UNC13C: variants seen among roughly 807,000 people sequenced by gnomAD.
UNC13C encodes the protein unc-13 homolog C.
Under a neutral mutation model 245.4 loss-of-function variants are expected in UNC13C, and 174 were observed. The observed-to-expected ratio is 0.71, with a 90% confidence interval of 0.63 to 0.80. The LOEUF (loss-of-function observed/expected upper bound fraction) is 0.80. Ranked by LOEUF, UNC13C falls within the 30% of genes least tolerant of loss-of-function variation. UNC13C has a pLI of 0.00. For synonymous variants in UNC13C, 992 were observed against 895.1 expected (o/e 1.11, Z -1.93); for missense variants, 2,829 against 2,602.9 (o/e 1.09, Z -1.89).
At position 54,401,494 on chromosome 15, in the gene UNC13C, A is replaced by G. The variant is rs58949736; in HGVS notation, c.4847+8313A>G. 4.7e-3 allele frequency among the ~76,000 whole-genome samples: 712 copies of G among 152,304 alleles called. 35 individuals carry two copies. The East Asian group carries it at 0.1, about 22-fold the overall frequency. ...ACTCTCTGGAACTGTACCAAGAAATACTAAGAGTGAATCGGCTGACAGGGA... is the reference window on the plus strand; with the variant it reads ...ACTCTCTGGAACTGTACCAAGAAATGCTAAGAGTGAATCGGCTGACAGGGA... On this transcript the variant is annotated intron_variant, in intron 18 of 32. Coordinates refer to ENST00000260323, the MANE Select transcript of UNC13C (RefSeq NM_001080534.3).
intron 1 of UNC13C, among the ~76,000 whole-genome samples, chr15:53,989,144 T>C (rs1429365119): frequency 6.6e-6 from 1 of 151,980 alleles, no homozygotes; most frequent in African/African-American, 2.4e-5. Context: ...GTCTCTCTAA[T>C]GTCAGCATAC....
intron 18 of UNC13C, among the ~76,000 whole-genome samples, chr15:54,414,566 G>T (rs954320482): frequency 1.2e-4 from 18 of 152,122 alleles, no homozygotes; most frequent in Admixed American, 1.1e-3. Flanking sequence ...AGAATTGCTT[G>T]AACCCGGGAG....
At chr15:54,201,643 T>C (rs767541510) in intron 4 of UNC13C, among the ~76,000 whole-genome samples, 2 of 151,824 alleles carry the variant, frequency 1.3e-5, no homozygotes, top group Non-Finnish European at 2.9e-5. Flanking sequence ...CTCAGCAAAA[T>C]TGTTATAGAA....
At chr15:54,488,121 T>C (rs1258684860) in intron 19 of UNC13C, among the ~76,000 whole-genome samples, 1 of 152,178 alleles carries the variant, frequency 6.6e-6, no homozygotes, top group Non-Finnish European at 1.5e-5. Context: ...TTACCATTCT[T>C]AGCATATAAA....
Position 54,246,411 on chromosome 15 carries a change from A to ATGT in UNC13C, c.3229-3812_3229-3810dup, listed in dbSNP as rs762030672. Among the ~76,000 whole-genome samples, 112 of 31,144 alleles carry ATGT rather than the reference A, an allele frequency of 3.6e-3. 2 individuals carry two copies. Among genetic ancestry groups the ATGT allele is most frequent in the Admixed American group, 0.022 (65 of 3,022 alleles). 20.4% of individuals were successfully genotyped at this position (31,144 alleles called of 152,430 possible). A position where few individuals can be genotyped will look rare whatever the true frequency, so the allele number is the denominator to read the frequency against. ...GAATGACTTAAGCAATGTGAAAATAATGTTTTTTTTTTTTTCTAATTGCAA... is the reference window on the plus strand; with the variant it reads ...GAATGACTTAAGCAATGTGAAAATAATGTTGTTTTTTTTTTTTTCTAATTGCAA... On this transcript the variant is annotated intron_variant, in intron 7 of 32. Transcript: ENST00000260323.
rs148919718 is a variant in UNC13C at position 54,065,022 on chromosome 15, C to T, written c.2983+49136C>T. Among the ~76,000 whole-genome samples, 998 of 152,296 alleles carry T rather than the reference C, an allele frequency of 6.6e-3. 16 individuals carry two copies. The highest frequency in any genetic ancestry group is 0.023 in the African/African-American group (965 of 41,560). ...TCCTATGTTTAAGATTCATTCACCCCAATGGTATCCTTGGAATTCTGAGCC... is the reference window on the plus strand; with the variant it reads ...TCCTATGTTTAAGATTCATTCACCCTAATGGTATCCTTGGAATTCTGAGCC... On this transcript the variant is annotated intron_variant, in intron 2 of 32. Coordinates refer to ENST00000260323, the MANE Select transcript of UNC13C (RefSeq NM_001080534.3).
At chr15:54,367,601 A>T (rs114034008) in intron 17 of UNC13C, among the ~76,000 whole-genome samples, 1 of 152,154 alleles carries the variant, frequency 6.6e-6, no homozygotes, top group African/African-American at 2.4e-5. Flanking sequence ...AGAACGAATG[A>T]ATCAAAAATA....
intron 30 of UNC13C, among the ~76,000 whole-genome samples, chr15:54,570,037 TA>T (rs764859806): frequency 1.3e-5 from 2 of 152,126 alleles, no homozygotes; most frequent in Non-Finnish European, 2.9e-5. Flanking sequence ...CAGGTCCCTC[TA>T]TTCCTCAGTG....
At chr15:54,279,173 T>A (rs1228836131) in intron 10 of UNC13C, among the ~76,000 whole-genome samples, 1 of 152,216 alleles carries the variant, frequency 6.6e-6, no homozygotes, top group Admixed American at 6.5e-5. Context: ...GTGCAGTGAC[T>A]TGGCATTTTC....
At chr15:54,557,832 T>G (rs1413558542) in intron 29 of UNC13C, among the ~76,000 whole-genome samples, 3 of 152,054 alleles carry the variant, frequency 2.0e-5, no homozygotes, top group East Asian at 3.9e-4. Context: ...GTGCATCATT[T>G]CACCTGCCTT....
At chr15:54,088,368 T>C (rs1242038085) in intron 2 of UNC13C, among the ~76,000 whole-genome samples, 1 of 152,046 alleles carries the variant, frequency 6.6e-6, no homozygotes, top group East Asian at 1.9e-4. Flanking sequence ...TTAGGAAAAG[T>C]TGGGCAGAGA....
chr15:54,123,120 C>A (rs1272959987), intron 2 of UNC13C, among the ~76,000 whole-genome samples: 2 of 151,874 alleles, frequency 1.3e-5, no homozygotes, highest in Non-Finnish European at 2.9e-5. Flanking sequence ...TATTGTCAGT[C>A]TTTTTAATTG....
intron 4 of UNC13C, among the ~76,000 whole-genome samples, chr15:54,203,715 T>C (rs1283619455): frequency 1.4e-5 from 2 of 145,094 alleles, no homozygotes; most frequent in Non-Finnish European, 3.0e-5. Context: ...TATGTATATA[T>C]ACACACATAT....
chr15:54,096,897 A>T (rs1289721273), intron 2 of UNC13C, among the ~76,000 whole-genome samples: 1 of 152,224 alleles, frequency 6.6e-6, no homozygotes, highest in African/African-American at 2.4e-5. Flanking sequence ...AATAACAATT[A>T]TAGCTATTTT....
Position 54,075,447 on chromosome 15 carries a change from GCCGGAGC to G in UNC13C, c.2983+59562_2983+59568del, listed in dbSNP as rs1898552206. Among the ~76,000 whole-genome samples, 4 of 112,884 alleles carry G rather than the reference GCCGGAGC, an allele frequency of 3.5e-5. No individual in the cohort carries two copies. The South Asian group carries it at 1.1e-3, about 30-fold the overall frequency. The allele number at this position is 112,884 out of a possible 152,430, so 74.1% of individuals were successfully genotyped here. A position where few individuals can be genotyped will look rare whatever the true frequency, so the allele number is the denominator to read the frequency against. On this transcript the variant is annotated intron_variant, in intron 2 of 32. Transcript: ENST00000260323. ...TGCAGTGAGCCGGAGCTTGCAGTGA[GCCGGAGC>G]TTGCAGTGAGCCGGAGCTTGCAGTG...
chr15:54,495,659 T>C (rs1381634807), intron 20 of UNC13C, among the ~76,000 whole-genome samples: 5 of 152,000 alleles, frequency 3.3e-5, no homozygotes, highest in Non-Finnish European at 5.9e-5. Context: ...ATAAAATTAA[T>C]AGAAAGTAAT....
intron 17 of UNC13C, among the ~76,000 whole-genome samples, chr15:54,351,767 A>G (rs937356538): frequency 2.0e-5 from 3 of 152,098 alleles, no homozygotes; most frequent in Non-Finnish European, 4.4e-5. Flanking sequence ...AATAGTTGCC[A>G]TTTTTATTTA....
intron 7 of UNC13C, among the ~76,000 whole-genome samples, chr15:54,239,884 T>C (rs16974347): frequency 0.22 from 33,142 of 152,202 alleles, 5,699 homozygotes; most frequent in African/African-American, 0.47. Context: ...AAGCATCTAG[T>C]CTTCTTTTGA....
intron 10 of UNC13C, among the ~76,000 whole-genome samples, chr15:54,267,597 T>A (rs1194029844): frequency 1.3e-5 from 2 of 151,378 alleles, no homozygotes; most frequent in Non-Finnish European, 3.0e-5. Flanking sequence ...GTCATTTTAA[T>A]TTTTTTTTGC....
Sources: gnomAD v4.1 joint callset for allele counts (sites outside exome capture counted in the v4.1 genomes callset) on GRCh38, gnomAD v4.1.1 for gene constraint, MANE v1.5 for transcripts, NCBI Gene and HGNC (gene_info 2026-07-23, HGNC 2026-07-21) for gene names.